The following SMYD3 variants were observed in gnomAD, a reference collection of about 807,000 sequenced individuals.
SMYD3 encodes the protein SET and MYND domain containing 3, also known as histone-lysine N-methyltransferase SMYD3.
SMYD3 carries 36 observed loss-of-function variants against 57.7 expected under a neutral mutation model. The observed-to-expected ratio is 0.62, with a 90% CI of 0.48 to 0.82. The LOEUF is 0.82. Ranked by LOEUF, SMYD3 falls within the 40% of genes least tolerant of loss-of-function variation. SMYD3 has a pLI of 0.00. For synonymous variants in SMYD3, 211 were observed against 195.0 expected, an observed-to-expected ratio of 1.08 and a Z score of -0.68; for missense variants, 515 against 538.8, an observed-to-expected ratio of 0.96 and a Z score of 0.44.
intron 8 of SMYD3, among the ~76,000 whole-genome samples, chr1:245,865,248 C>T (rs1250296319): frequency 1.3e-5 from 2 of 151,980 alleles, no homozygotes; most frequent in African/African-American, 4.8e-5. Flanking sequence ...AGGTCAAATC[C>T]CATGGGGTAA....
At chr1:246,223,961 G>A (rs2063291309) in intron 5 of SMYD3, among the ~76,000 whole-genome samples, 3 of 152,062 alleles carry the variant, frequency 2.0e-5, no homozygotes, top group South Asian at 4.1e-4. Flanking sequence ...AGAACTGAAG[G>A]ATTCTTTTCA....
At chr1:245,775,118 C>T (rs186356241) in intron 10 of SMYD3, among the ~76,000 whole-genome samples, 4 of 152,296 alleles carry the variant, frequency 2.6e-5, no homozygotes, top group Non-Finnish European at 4.4e-5. Flanking sequence ...TCTGCCCCGC[C>T]GCCCCGTCTG....
intron 5 of SMYD3, among the ~76,000 whole-genome samples, chr1:245,977,126 C>T (rs1205270110): frequency 6.6e-6 from 1 of 152,210 alleles, no homozygotes; most frequent in Non-Finnish European, 1.5e-5. Flanking sequence ...CCCCTTGAAT[C>T]CATTCTCTAT....
At chr1:246,383,256 C>G (rs1241097851) in intron 1 of SMYD3, among the ~76,000 whole-genome samples, 1 of 152,192 alleles carries the variant, frequency 6.6e-6, no homozygotes, top group African/African-American at 2.4e-5. Flanking sequence ...GATCTACCAG[C>G]TGGGAATGCA....
intron 1 of SMYD3, among the ~76,000 whole-genome samples, chr1:246,466,915 C>T (rs185798443): frequency 2.0e-5 from 3 of 152,132 alleles, no homozygotes; most frequent in Non-Finnish European, 4.4e-5. Context: ...CGCCTGTAAT[C>T]CCAGCACTTT....
intron 1 of SMYD3, among the ~76,000 whole-genome samples, chr1:246,456,945 C>G (rs1447111740): frequency 6.6e-6 from 1 of 152,210 alleles, no homozygotes; most frequent in Non-Finnish European, 1.5e-5. Context: ...TAATCCAAAT[C>G]TGGCTCTAGG....
intron 1 of SMYD3, among the ~76,000 whole-genome samples, chr1:246,471,138 T>C (rs2067956282): frequency 6.6e-6 from 1 of 152,304 alleles, no homozygotes; most frequent in African/African-American, 2.4e-5. Context: ...TTTAAAATTA[T>C]TCCAAAATAA....
chr1:246,149,160 G>T (rs896015939), intron 5 of SMYD3, among the ~76,000 whole-genome samples: 2 of 152,096 alleles, frequency 1.3e-5, no homozygotes, highest in African/African-American at 4.8e-5. Flanking sequence ...ACCTCTTTTT[G>T]CATTTCAATT....
intron 8 of SMYD3, among the ~76,000 whole-genome samples, chr1:245,882,353 A>G (rs781152142): frequency 6.6e-6 from 1 of 152,218 alleles, no homozygotes; most frequent in Non-Finnish European, 1.5e-5. Context: ...CTGGTTTTCA[A>G]CAAAAATCCC....
intron 5 of SMYD3, among the ~76,000 whole-genome samples, chr1:246,225,578 C>G (rs1271493147): frequency 6.6e-6 from 1 of 152,112 alleles, no homozygotes; most frequent in Non-Finnish European, 1.5e-5. Context: ...CGAGCCCGCA[C>G]CAGCACACAC....
At chr1:245,814,398 T>G in intron 10 of SMYD3, 1 of 984,988 alleles carries the variant, frequency 1.0e-6, no homozygotes, top group Non-Finnish European at 1.2e-6. Flanking sequence ...AAGAAGATTC[T>G]TTCCTGGTCT....
intron 5 of SMYD3, among the ~76,000 whole-genome samples, chr1:246,037,078 C>T (rs1412441157): frequency 6.6e-6 from 1 of 152,038 alleles, no homozygotes; most frequent in Admixed American, 6.6e-5. Flanking sequence ...CATTGTATTC[C>T]TATTACAAAC....
At chr1:246,495,397 G>A (rs1247676790) in intron 1 of SMYD3, among the ~76,000 whole-genome samples, 1 of 137,710 alleles carries the variant, frequency 7.3e-6, no homozygotes, top group Non-Finnish European at 1.6e-5. Flanking sequence ...CCACACTCCA[G>A]ACAAATTAAA....
chr1:246,072,061 A>T lies in SMYD3; in HGVS notation c.532-142124T>A, dbSNP rs58957818. On this transcript the variant is annotated intron_variant, in intron 5 of 11. Transcript: ENST00000490107. ...TTTCCGCTGTGCTCACTGTGGATGC[A>T]TCGTGTAGTTCTGGGGAGGGATTCG... Among the ~76,000 whole-genome samples the T allele has an allele frequency of 7.2e-4, 20 of 27,616 alleles. 1 individual carries two copies. Among genetic ancestry groups the T allele is most frequent in the African/African-American group, 6.5e-3 (15 of 2,298 alleles). The allele number at this position is 27,616 out of a possible 152,430, so 18.1% of individuals were successfully genotyped here.
chr1:246,086,290 TTTCACCTGC>T (rs140984098), intron 5 of SMYD3, among the ~76,000 whole-genome samples: 29,330 of 151,874 alleles, frequency 0.19, 3,259 homozygotes, highest in East Asian at 0.4. Context: ...TAACGCACTG[TTTCACCTGC>T]TTCAAGTGAA....
chr1:246,386,116 C>A (rs2066475869), intron 1 of SMYD3, among the ~76,000 whole-genome samples: 1 of 152,174 alleles, frequency 6.6e-6, no homozygotes, highest in African/African-American at 2.4e-5. Context: ...TCTCGATCTC[C>A]TGACCTCGTG....
intron 5 of SMYD3, among the ~76,000 whole-genome samples, chr1:246,127,241 C>T (rs1004944805): frequency 6.6e-6 from 1 of 152,036 alleles, no homozygotes; most frequent in Admixed American, 6.6e-5. Flanking sequence ...CACAAGGCAC[C>T]AGTTCCCATG....
At chr1:245,892,595 A>G (rs1290652021) in intron 8 of SMYD3, among the ~76,000 whole-genome samples, 1 of 152,150 alleles carries the variant, frequency 6.6e-6, no homozygotes, top group Non-Finnish European at 1.5e-5. Flanking sequence ...CTAGAACCCA[A>G]CTTCTGCTAA....
Position 245,953,357 on chromosome 1 carries a change from T to G in SMYD3, c.532-23420A>C, listed in dbSNP as rs546833458. 7.1e-6 allele frequency: 7 copies of G among 984,922 alleles called. No homozygotes were observed. The South Asian group carries it at 2.9e-4, about 40-fold the overall frequency. The allele number at this position is 984,922 out of a possible 1,614,324, so 61.0% of individuals were successfully genotyped here. On this transcript the variant is annotated intron_variant, in intron 5 of 11. Transcript: ENST00000490107. ...AAAAACATTTTTTAGGATGTAACTC[T>G]GAAAAAAATAAAAAGTGAGAAAAAG...
Sources: allele counts gnomAD v4.1 joint callset (sites outside exome capture counted in the v4.1 genomes callset), GRCh38; gene constraint gnomAD v4.1.1; transcripts MANE v1.5; gene names NCBI Gene and HGNC (gene_info 2026-07-23, HGNC 2026-07-21).